IFNAR1: variants seen among roughly 807,000 people sequenced by gnomAD.
IFNAR1 encodes the protein interferon alpha and beta receptor subunit 1.
IFNAR1 carries 47 observed loss-of-function variants against 62.1 expected under a neutral mutation model. The observed-to-expected ratio is 0.76, with a 90% CI of 0.60 to 0.97. IFNAR1 has a LOEUF of 0.97. IFNAR1 is among the 50% of genes least tolerant of loss of function. The pLI is 0.00. For missense variants in IFNAR1, 638 were observed against 654.5 expected (o/e 0.97, Z 0.27); for synonymous variants, 219 against 226.9 (o/e 0.97, Z 0.31).
At chr21:33,329,995 T>C (rs1402947280) in intron 1 of IFNAR1, among the ~76,000 whole-genome samples, 2 of 152,200 alleles carry the variant, frequency 1.3e-5, no homozygotes, top group Non-Finnish European at 2.9e-5. Context: ...CTGGAGTCTA[T>C]TGCAGGCTTG....
intron 5 of IFNAR1, 36 bp from the exon 6 acceptor site, chr21:33,345,210 A>C: frequency 1.0e-6 from 1 of 999,900 alleles, no homozygotes; most frequent in Non-Finnish European, 1.6e-6. Context: ...TTGAGTAAAA[A>C]TGTGTGCTTT....
chr21:33,351,884 A>G (rs990427508), intron 8 of IFNAR1, among the ~76,000 whole-genome samples: 7 of 151,960 alleles, frequency 4.6e-5, no homozygotes, highest in Non-Finnish European at 1.0e-4. Flanking sequence ...TCTTGTACAG[A>G]CAGAGTCTAG....
intron 1 of IFNAR1, among the ~76,000 whole-genome samples, chr21:33,334,368 G>A (rs934236709): frequency 3.3e-5 from 5 of 152,024 alleles, no homozygotes; most frequent in Non-Finnish European, 7.3e-5. Flanking sequence ...ATACACAAGG[G>A]ATCTTTGATA....
At chr21:33,340,745 G>A (rs1388480481) in intron 2 of IFNAR1, among the ~76,000 whole-genome samples, 4 of 152,066 alleles carry the variant, frequency 2.6e-5, no homozygotes, top group Admixed American at 6.5e-5. Context: ...ATAAAGAACT[G>A]TATTTTAAAA....
Position 33,357,452 on chromosome 21 carries a change from C to A in IFNAR1, c.*1903C>A, listed in dbSNP as rs1231026710. On this transcript the variant is annotated 3_prime_UTR_variant, in exon 11 of 11. Coordinates refer to ENST00000270139, the MANE Select transcript of IFNAR1 (RefSeq NM_000629.3). ...GAGCATGGTGGGTCATTGAGGAGACCCAGGAATCTCATCTGAGAACCCACT... is the reference window on the plus strand; with the variant it reads ...GAGCATGGTGGGTCATTGAGGAGACACAGGAATCTCATCTGAGAACCCACT... 6.6e-6 allele frequency: 1 copy of A among 152,056 alleles called. No individual in the cohort carries two copies. Among genetic ancestry groups the A allele is most frequent in the Non-Finnish European group, 1.5e-5 (1 of 68,044 alleles). 9.4% of individuals were successfully genotyped at this position (152,056 alleles called of 1,614,324 possible).
intron 1 of IFNAR1, chr21:33,335,235 C>G: frequency 2.3e-6 from 1 of 438,526 alleles, no homozygotes; most frequent in South Asian, 3.9e-5. Context: ...ACTTCTAAGA[C>G]CAAGAAAAAT....
intron 1 of IFNAR1, among the ~76,000 whole-genome samples, chr21:33,328,399 G>T (rs974385778): frequency 6.6e-6 from 1 of 152,192 alleles, no homozygotes; most frequent in South Asian, 2.1e-4. Flanking sequence ...TTCGCATCAT[G>T]GCCTGAAGTA....
At chr21:33,352,329 C>T (rs2083405675) in intron 8 of IFNAR1, among the ~76,000 whole-genome samples, 1 of 152,084 alleles carries the variant, frequency 6.6e-6, no homozygotes, top group Admixed American at 6.6e-5. Flanking sequence ...ATTTATATTT[C>T]TCACACATAT....
chr21:33,335,867 C>T (rs190605355), intron 2 of IFNAR1, among the ~76,000 whole-genome samples: 40 of 149,648 alleles, frequency 2.7e-4, no homozygotes, highest in Admixed American at 2.5e-3. Flanking sequence ...TGGTAGACAG[C>T]GTCTCTAACC....
chr21:33,334,256 A>G (rs1601854925), intron 1 of IFNAR1, among the ~76,000 whole-genome samples: 1 of 152,208 alleles, frequency 6.6e-6, no homozygotes, highest in East Asian at 1.9e-4. Flanking sequence ...CCCCACTCTC[A>G]GCTTCGGACA....
intron 5 of IFNAR1, among the ~76,000 whole-genome samples, chr21:33,344,093 G>A (rs2083321189): frequency 6.6e-6 from 1 of 152,196 alleles, no homozygotes; most frequent in Non-Finnish European, 1.5e-5. Context: ...GGAAGTTGCA[G>A]TGAGCCAAGA....
At position 33,354,256 on chromosome 21, in the gene IFNAR1, CGCTT is replaced by C. The variant is rs543054447; in HGVS notation, c.1440+475_1440+478del. Among the ~76,000 whole-genome samples the C allele has an allele frequency of 6.2e-4, 94 of 152,272 alleles. 1 individual carries two copies. In the South Asian group the frequency reaches 0.019, roughly 31 times the overall value. The stretch of plus-strand genomic sequence containing the variant: ...ACTCGGGAGGCTGAGGCAGGGGGAT[CGCTT>C]GAACCTGGGAGGTGGAGGTTGCAGT... On this transcript the variant is annotated intron_variant, in intron 10 of 10. Transcript: ENST00000270139.
Position 33,356,992 on chromosome 21 carries a change from TGA to T in IFNAR1, c.*1445_*1446del, listed in dbSNP as rs994689663. 9.2e-5 allele frequency: 14 copies of T among 152,260 alleles called. No individual in the cohort carries two copies. Among genetic ancestry groups the T allele is most frequent in the African/African-American group, 1.2e-4 (5 of 41,550 alleles). The allele number at this position is 152,260 out of a possible 1,614,324, so 9.4% of individuals were successfully genotyped here. On this transcript the variant is annotated 3_prime_UTR_variant, in exon 11 of 11. Transcript: ENST00000270139. The stretch of plus-strand genomic sequence containing the variant: ...GGCGTTAAAATACAAATCATTGAAC[TGA>T]GGGGGAAAAATGTAACTAGGAAGAA...
intron 5 of IFNAR1, 146 bp downstream of exon 5, chr21:33,343,822 T>G: frequency 1.8e-6 from 1 of 556,344 alleles, no homozygotes; most frequent in Non-Finnish European, 3.1e-6. Context: ...TAAATGTTAC[T>G]TGGGATTTTT....
rs760121700 is a variant in IFNAR1 at position 33,341,157 on chromosome 21, T to A, written c.359T>A (p.Phe120Tyr). ...TCTTCATGGTATGAGGTTGACTCAT[T>A]TACACCATTTCGCAAAGGTAAGAAA... ...NTSSWYEVDS[F>Y]TPFRKAQIGP... Residue 120 changes from phenylalanine to tyrosine, a missense_variant, in exon 3 of 11, where the codon TTT becomes TAT. Phe to Tyr is a conservative substitution (Grantham distance 22). Coordinates refer to ENST00000270139, the MANE Select transcript of IFNAR1 (RefSeq NM_000629.3). The A allele has an allele frequency of 1.2e-6, 2 of 1,609,218 alleles. No homozygotes were observed. The highest frequency in any genetic ancestry group is 1.7e-5 in the Admixed American group (1 of 58,858).
rs901576364 is a variant in IFNAR1 at position 33,357,863 on chromosome 21, G to A, written c.*2314G>A. 3 of 152,122 alleles carry A rather than the reference G, an allele frequency of 2.0e-5. No homozygotes were observed. The highest frequency in any genetic ancestry group is 4.8e-5 in the African/African-American group (2 of 41,408). 9.4% of individuals were successfully genotyped at this position (152,122 alleles called of 1,614,324 possible). On this transcript the variant is annotated 3_prime_UTR_variant, in exon 11 of 11. Coordinates refer to ENST00000270139, the MANE Select transcript of IFNAR1 (RefSeq NM_000629.3). ...TTGGAAAAGCCTTGTCACTTTGGACGTTTGCGTCTTTGAAGAGGCGATGGG... is the reference window on the plus strand; with the variant it reads ...TTGGAAAAGCCTTGTCACTTTGGACATTTGCGTCTTTGAAGAGGCGATGGG...
rs2083475031 is a variant in IFNAR1, at chr21:33,358,908, G to A, written c.*3359G>A. ...AAAAGAGGCCGTGATATTTGCAGCA[G>A]CCTCAAATTGCTCTTAAGGGGTTTA... On this transcript the variant is annotated 3_prime_UTR_variant, in exon 11 of 11. Coordinates refer to ENST00000270139, the MANE Select transcript of IFNAR1 (RefSeq NM_000629.3). 6.6e-6 allele frequency: 1 copy of A among 151,832 alleles called. No homozygotes were observed. The highest frequency in any genetic ancestry group is 6.6e-5 in the Admixed American group (1 of 15,236). The allele number at this position is 151,832 out of a possible 1,614,324, so 9.4% of individuals were successfully genotyped here. A position where few individuals can be genotyped will look rare whatever the true frequency, so the allele number is the denominator to read the frequency against.
chr21:33,348,796 C>T (rs887621341), intron 6 of IFNAR1, among the ~76,000 whole-genome samples: 9 of 151,702 alleles, frequency 5.9e-5, no homozygotes, highest in Non-Finnish European at 1.3e-4. Flanking sequence ...GAGCGAGACT[C>T]GGTCTCAAAA....
At chr21:33,343,894 G>A (rs529873837) in intron 5 of IFNAR1, among the ~76,000 whole-genome samples, 4 of 152,334 alleles carry the variant, frequency 2.6e-5, no homozygotes, top group South Asian at 2.1e-4. Flanking sequence ...AGTGGCCCAC[G>A]CCTGTAATCC....
Sources: allele counts gnomAD v4.1 joint callset (sites outside exome capture counted in the v4.1 genomes callset), GRCh38; gene constraint gnomAD v4.1.1; transcripts MANE v1.5; gene names NCBI Gene and HGNC (gene_info 2026-07-23, HGNC 2026-07-21).